CUL1: variants seen among roughly 807,000 people sequenced by gnomAD.
The protein encoded by CUL1 is cullin-1.
In CUL1, 24 loss-of-function variants were observed where a neutral mutation model predicts 118.0. The ratio of observed to expected loss-of-function variants is 0.20; its 90% CI spans 0.15 to 0.29. The LOEUF (loss-of-function observed/expected upper bound fraction) is 0.29, where lower values mean the gene tolerates loss of function less well. Among genes scored for constraint, CUL1 ranks in the 10% least tolerant of loss-of-function variants. The pLI is 1.00. For synonymous variants in CUL1, 332 were observed against 340.4 expected, an observed-to-expected ratio of 0.98 and a Z score of 0.27; for missense variants, 361 against 933.8, an observed-to-expected ratio of 0.39 and a Z score of 7.99.
At chr7:148,772,612 T>G (rs1800252315) in intron 9 of CUL1, among the ~76,000 whole-genome samples, 1 of 152,164 alleles carries the variant, frequency 6.6e-6, no homozygotes, top group Non-Finnish European at 1.5e-5. Context: ...GTAGTAGACG[T>G]GATGTCAAGA....
chr7:148,786,965 G>C (rs1396328602), intron 12 of CUL1, 24 bp from the exon 13 acceptor site: 37 of 1,601,098 alleles, frequency 2.3e-5, no homozygotes, highest in Non-Finnish European at 3.0e-5. Flanking sequence ...CTGGTTAAGT[G>C]TGTTGTCTCG....
chr7:148,744,459 A>T (rs1053350508), intron 2 of CUL1, among the ~76,000 whole-genome samples: 1 of 151,588 alleles, frequency 6.6e-6, no homozygotes, highest in Non-Finnish European at 1.5e-5. Context: ...AGGAATAAAG[A>T]GATTGCTCTA....
At chr7:148,791,142 A>G (rs562253198) in intron 16 of CUL1, among the ~76,000 whole-genome samples, 12 of 152,284 alleles carry the variant, frequency 7.9e-5, no homozygotes, top group African/African-American at 2.9e-4. Flanking sequence ...ACAACATAGC[A>G]AGACCCCATC....
chr7:148,770,182 G>A (rs1013745232), intron 9 of CUL1, among the ~76,000 whole-genome samples: 11 of 152,186 alleles, frequency 7.2e-5, no homozygotes, highest in African/African-American at 2.4e-4. Context: ...AGCTTCATCC[G>A]TCAGCAATGA....
At chr7:148,719,595 C>T (rs1424195984) in intron 1 of CUL1, among the ~76,000 whole-genome samples, 1 of 152,082 alleles carries the variant, frequency 6.6e-6, no homozygotes, top group South Asian at 2.1e-4. Flanking sequence ...GATGCTGGTC[C>T]CTGTCCTGGC....
chr7:148,739,698 A>G (rs1455974131), intron 2 of CUL1, among the ~76,000 whole-genome samples: 1 of 152,028 alleles, frequency 6.6e-6, no homozygotes, highest in African/African-American at 2.4e-5. Flanking sequence ...CATTTTCTTA[A>G]TGGTGTCTTT....
At chr7:148,723,283 C>A (rs1798454454) in intron 1 of CUL1, among the ~76,000 whole-genome samples, 1 of 152,144 alleles carries the variant, frequency 6.6e-6, no homozygotes, top group African/African-American at 2.4e-5. Flanking sequence ...TGCCGTATTC[C>A]CCTGAGGAAC....
At chr7:148,703,836 G>C (rs1351578456) in intron 1 of CUL1, among the ~76,000 whole-genome samples, 2 of 152,060 alleles carry the variant, frequency 1.3e-5, no homozygotes, top group Admixed American at 1.3e-4. Context: ...CGGCCGTGAG[G>C]ATATTTAAAG....
chr7:148,759,274 T>A (rs1402980624), intron 4 of CUL1, 30 bp from the exon 5 acceptor site: 2 of 1,602,156 alleles, frequency 1.2e-6, no homozygotes, highest in East Asian at 2.2e-5. Context: ...ATGGTAAAAG[T>A]ATAGACATTT....
intron 4 of CUL1, among the ~76,000 whole-genome samples, chr7:148,758,229 G>C (rs920501759): frequency 1.3e-5 from 2 of 151,712 alleles, no homozygotes; most frequent in African/African-American, 4.9e-5. Context: ...TTCATAGGCT[G>C]TCAGATCCAC....
chr7:148,792,999 A>G (rs567506049), intron 17 of CUL1, among the ~76,000 whole-genome samples, 181 bp downstream of exon 17: 2 of 152,346 alleles, frequency 1.3e-5, no homozygotes, highest in African/African-American at 2.4e-5. Context: ...GCTTCATGTT[A>G]AAACTCATTG....
chr7:148,737,014 A>C (rs1798966480), intron 2 of CUL1, among the ~76,000 whole-genome samples: 1 of 152,232 alleles, frequency 6.6e-6, no homozygotes, highest in African/African-American at 2.4e-5. Flanking sequence ...CATGCATTTA[A>C]AAGTGCAGTT....
At chr7:148,698,461 G>A (rs925773532), upstream of CUL1, 4 of 152,276 alleles carry the variant, frequency 2.6e-5, no homozygotes, top group Non-Finnish European at 4.4e-5. Flanking sequence ...GGCGAGGGAG[G>A]CTGTAAAACC....
At chr7:148,770,503 G>T (rs1364253293) in intron 9 of CUL1, among the ~76,000 whole-genome samples, 9 of 152,148 alleles carry the variant, frequency 5.9e-5, no homozygotes, top group African/African-American at 2.2e-4. Flanking sequence ...TAAAATGTTC[G>T]GGAAAGCAAA....
chr7:148,785,193 C>T (rs1800774571), intron 11 of CUL1, among the ~76,000 whole-genome samples: 1 of 151,954 alleles, frequency 6.6e-6, no homozygotes, highest in Non-Finnish European at 1.5e-5. Flanking sequence ...GTATTTATTC[C>T]TGGTTTAATG....
rs1335483810 is a variant in CUL1 at position 148,768,246 on chromosome 7, G to GGTGAC, written c.1083+499_1083+500insGACGT. ...TTCCTGCTAGGTCATCTGTAATTCA[G>GGTGAC]GTCATCTGTAATTCAGGTGATAATT... On this transcript the variant is annotated intron_variant, in intron 9 of 21. Transcript: ENST00000325222. 2.6e-5 allele frequency among the ~76,000 whole-genome samples: 4 copies of GGTGAC among 152,166 alleles called. No homozygotes were observed. In the East Asian group the frequency reaches 7.7e-4, roughly 29 times the overall value.
chr7:148,765,414 GA>G (rs1799972847), intron 7 of CUL1, among the ~76,000 whole-genome samples: 1 of 152,156 alleles, frequency 6.6e-6, no homozygotes, highest in African/African-American at 2.4e-5. Flanking sequence ...AGAATTGCTT[GA>G]AGCCAGGAGT....
intron 9 of CUL1, among the ~76,000 whole-genome samples, chr7:148,779,009 A>G (rs1037282996): frequency 3.9e-5 from 6 of 152,236 alleles, no homozygotes; most frequent in Non-Finnish European, 8.8e-5. Flanking sequence ...ACTGATCCCC[A>G]GAAATTGTGT....
chr7:148,711,711 A>G lies in CUL1; in HGVS notation c.-162+12682A>G, dbSNP rs555268349. On this transcript the variant is annotated intron_variant, in intron 1 of 21. Transcript: ENST00000325222. ...ATAGAAAGGGGTGTCTTATTGATGAATAGATTCATGTTCACTTAGTGATAC... is the reference window on the plus strand; with the variant it reads ...ATAGAAAGGGGTGTCTTATTGATGAGTAGATTCATGTTCACTTAGTGATAC... 2.6e-5 allele frequency among the ~76,000 whole-genome samples: 4 copies of G among 152,324 alleles called. No individual in the cohort carries two copies. The East Asian group carries it at 7.7e-4, about 29-fold the overall frequency.
Sources: gnomAD v4.1 joint callset for allele counts (sites outside exome capture counted in the v4.1 genomes callset) on GRCh38, gnomAD v4.1.1 for gene constraint, MANE v1.5 for transcripts, NCBI Gene and HGNC (gene_info 2026-07-23, HGNC 2026-07-21) for gene names.